Variants in LAMA2 observed in about 807,000 individuals in gnomAD.
LAMA2 encodes the protein laminin subunit alpha 2.
Under a neutral mutation model 364.8 loss-of-function variants are expected in LAMA2, and 269 were observed. That is an observed-to-expected ratio of 0.74 (90% CI 0.67 to 0.82). The LOEUF (loss-of-function observed/expected upper bound fraction) is 0.82. LAMA2 is among the 40% of genes least tolerant of loss of function. The probability of loss-of-function intolerance (pLI) is 0.00; values close to 1 mark genes in which losing one functional copy is unlikely to be tolerated. For synonymous variants in LAMA2, 1,379 were observed against 1,370.6 expected, an observed-to-expected ratio of 1.01 and a Z score of -0.14; for missense variants, 3,807 against 3,873.2, an observed-to-expected ratio of 0.98 and a Z score of 0.45.
chr6:129,080,904 A>G (rs1774008331), intron 3 of LAMA2, among the ~76,000 whole-genome samples: 1 of 152,212 alleles, frequency 6.6e-6, no homozygotes, highest in Non-Finnish European at 1.5e-5. Context: ...TATATACCCA[A>G]AGGATTATAA....
At chr6:129,016,889 C>A (rs1367829971) in intron 1 of LAMA2, among the ~76,000 whole-genome samples, 4 of 151,264 alleles carry the variant, frequency 2.6e-5, no homozygotes, top group African/African-American at 9.7e-5. Flanking sequence ...ATTACATATA[C>A]ATATATATAC....
intron 47 of LAMA2, among the ~76,000 whole-genome samples, chr6:129,455,329 T>G (rs936588754): frequency 1.3e-5 from 2 of 152,130 alleles, no homozygotes; most frequent in African/African-American, 4.8e-5. Context: ...TGTGTGCATG[T>G]GTGAGAGAGA....
intron 40 of LAMA2, among the ~76,000 whole-genome samples, chr6:129,405,086 T>C (rs1780179711): frequency 6.6e-6 from 1 of 152,138 alleles, no homozygotes; most frequent in Non-Finnish European, 1.5e-5. Flanking sequence ...ACTTTTCAAA[T>C]CTAAACTAAA....
intron 10 of LAMA2, among the ~76,000 whole-genome samples, chr6:129,185,847 T>TTAA (rs537377540): frequency 2.7e-3 from 415 of 151,950 alleles, no homozygotes; most frequent in African/African-American, 9.7e-3. Context: ...ATTAATGTAA[T>TTAA]TGATTAGAAT....
rs1267925510 is a variant in LAMA2 at position 128,906,084 on chromosome 6, G to A, written c.112+22727G>A. ...AGTCTTTGCTATTGTGAATAGTGCC[G>A]CAATAAACATATGTGTGCATGTGTC... On this transcript the variant is annotated intron_variant, in intron 1 of 64. Transcript: ENST00000421865. Among the ~76,000 whole-genome samples, 19 of 149,376 alleles carry A rather than the reference G, an allele frequency of 1.3e-4. 1 individual carries two copies. The highest frequency in any genetic ancestry group is 4.0e-4 in the Admixed American group (6 of 14,988).
chr6:128,901,423 C>T (rs1777072855), intron 1 of LAMA2, among the ~76,000 whole-genome samples: 1 of 152,146 alleles, frequency 6.6e-6, no homozygotes, highest in Admixed American at 6.5e-5. Flanking sequence ...TAAGCTAAGT[C>T]ATTCATTTTA....
At chr6:129,054,509 G>A (rs1419646368) in intron 2 of LAMA2, among the ~76,000 whole-genome samples, 1 of 152,086 alleles carries the variant, frequency 6.6e-6, no homozygotes, top group African/African-American at 2.4e-5. Context: ...GTTGTGGGGA[G>A]GAGGTGCGAG....
chr6:129,426,982 GTTTGA>G (rs912685930), intron 40 of LAMA2, among the ~76,000 whole-genome samples: 32 of 152,146 alleles, frequency 2.1e-4, no homozygotes, highest in Non-Finnish European at 1.0e-4. Context: ...ATAAGATCCT[GTTTGA>G]TTTATCTCTT....
Position 129,465,262 on chromosome 6 carries a change from T to G in LAMA2, c.7273T>G (p.Phe2425Val), listed in dbSNP as rs768231787. 1 of 1,611,598 alleles carries G rather than the reference T, an allele frequency of 6.2e-7. No individual in the cohort carries two copies. The highest frequency in any genetic ancestry group is 1.1e-5 in the South Asian group (1 of 91,052). ...CCATAATGATGGGAAATGGAAATCA[T>G]TCACTCTGTCAAGAATTCAAAAACA... ...QNHNDGKWKS[F>V]TLSRIQKQAN... is the part of the protein sequence containing the mutation. The change falls in exon 51 of 65, where the codon TTC (phenylalanine) becomes GTC (valine). Residue 2425 changes from phenylalanine to valine, a missense_variant. Transcript: ENST00000421865.
At chr6:129,160,514 T>C (rs557740205) in intron 8 of LAMA2, among the ~76,000 whole-genome samples, 4 of 152,160 alleles carry the variant, frequency 2.6e-5, no homozygotes, top group African/African-American at 9.6e-5. Flanking sequence ...TTTATCAATT[T>C]TCCTAATCTT....
At chr6:129,149,208 T>C (rs1778654435) in intron 7 of LAMA2, 112 bp downstream of exon 7, 2 of 761,546 alleles carry the variant, frequency 2.6e-6, no homozygotes, top group East Asian at 5.0e-5. Flanking sequence ...CAAATACTCA[T>C]TTATATTATC....
rs141914306 is a variant in LAMA2, at chr6:129,464,214, G to T, written c.6993-76G>T. 2.2e-4 allele frequency: 271 copies of T among 1,235,448 alleles called. 3 individuals are homozygous for T. The East Asian group carries it at 2.6e-3, about 12-fold the overall frequency. 76.5% of individuals were successfully genotyped at this position (1,235,448 alleles called of 1,614,324 possible). A position where few individuals can be genotyped will look rare whatever the true frequency, so the allele number is the denominator to read the frequency against. On this transcript the variant is annotated intron_variant, in intron 49 of 64. Coordinates refer to ENST00000421865, the MANE Select transcript of LAMA2 (RefSeq NM_000426.4). ...CCCTACAACAGCCTATAGTCTCATTGCTATTCAGTGATGCATTGAATAATG... is the reference window on the plus strand; with the variant it reads ...CCCTACAACAGCCTATAGTCTCATTTCTATTCAGTGATGCATTGAATAATG...
At position 129,149,110 on chromosome 6, in the gene LAMA2, A is replaced by T; in HGVS notation, c.1027+14A>T. ...CTGAATGTGAAGGTATGTTCTTTAG[A>T]AGCCAACAAAATATGTCATTCTTCC... On this transcript the variant is annotated intron_variant, in intron 7 of 64. Coordinates refer to ENST00000421865, the MANE Select transcript of LAMA2 (RefSeq NM_000426.4). 1 of 1,444,574 alleles carries T rather than the reference A, an allele frequency of 6.9e-7. No individual in the cohort carries two copies. The highest frequency in any genetic ancestry group is 9.8e-7 in the Non-Finnish European group (1 of 1,025,440). 89.5% of individuals were successfully genotyped at this position (1,444,574 alleles called of 1,614,324 possible).
intron 1 of LAMA2, chr6:128,930,030 ACGGG>A: frequency 2.2e-6 from 1 of 450,966 alleles, no homozygotes; most frequent in Admixed American, 3.9e-5. Flanking sequence ...GTTGCAGAGC[ACGGG>A]GCGCCGTGGC....
chr6:128,997,372 G>GAA (rs1784036952), intron 1 of LAMA2, among the ~76,000 whole-genome samples: 4 of 33,516 alleles, frequency 1.2e-4, no homozygotes, highest in South Asian at 1.3e-3. Flanking sequence ...GAAAGAAAGA[G>GAA]AGAGAGAGAA....
At chr6:129,389,730 G>A (rs1324775224) in intron 35 of LAMA2, among the ~76,000 whole-genome samples, 1 of 152,158 alleles carries the variant, frequency 6.6e-6, no homozygotes, top group African/African-American at 2.4e-5. Flanking sequence ...CATAGTGGCA[G>A]GAAAGAGAGA....
At chr6:129,272,443 G>T (rs1340117550) in intron 17 of LAMA2, among the ~76,000 whole-genome samples, 2 of 152,134 alleles carry the variant, frequency 1.3e-5, no homozygotes, top group East Asian at 3.9e-4. Flanking sequence ...CCCAATCTAA[G>T]AGCTGATTGT....
chr6:129,384,502 G>A (rs1400171158), intron 35 of LAMA2, among the ~76,000 whole-genome samples: 1 of 152,180 alleles, frequency 6.6e-6, no homozygotes, highest in Non-Finnish European at 1.5e-5. Context: ...GCTAGCATAT[G>A]TTTTAGTAGA....
intron 31 of LAMA2, 39 bp from the exon 32 acceptor site, chr6:129,353,125 G>A: frequency 6.6e-7 from 1 of 1,514,930 alleles, no homozygotes; most frequent in Non-Finnish European, 9.1e-7. Flanking sequence ...GACATGACTT[G>A]CTATTAACCT....
Sources: gnomAD v4.1 joint callset for allele counts (sites outside exome capture counted in the v4.1 genomes callset) on GRCh38, gnomAD v4.1.1 for gene constraint, MANE v1.5 for transcripts, NCBI Gene and HGNC (gene_info 2026-07-23, HGNC 2026-07-21) for gene names.